CADPS2: variants seen among roughly 807,000 people sequenced by gnomAD.
The protein encoded by CADPS2 is calcium-dependent secretion activator 2.
A neutral mutation model predicts 172.5 loss-of-function variants in CADPS2; 93 were observed. The observed-to-expected ratio is 0.54, with a 90% CI of 0.46 to 0.64. CADPS2 has a LOEUF of 0.64. CADPS2 is among the 30% of genes least tolerant of loss of function. The probability of loss-of-function intolerance (pLI) is 0.00; values close to 1 mark genes in which losing one functional copy is unlikely to be tolerated. For missense variants in CADPS2, 1,420 were observed against 1,565.9 expected, an observed-to-expected ratio of 0.91 and a Z score of 1.57; for synonymous variants, 546 against 555.2, an observed-to-expected ratio of 0.98 and a Z score of 0.23.
At chr7:122,772,643 A>G (rs1175071784) in intron 1 of CADPS2, among the ~76,000 whole-genome samples, 1 of 152,048 alleles carries the variant, frequency 6.6e-6, no homozygotes, top group African/African-American at 2.4e-5. Context: ...CTAAAATACA[A>G]AAAAAAGGGC....
intron 17 of CADPS2, among the ~76,000 whole-genome samples, chr7:122,416,913 C>A (rs1436739392): frequency 2.6e-5 from 4 of 152,158 alleles, no homozygotes; most frequent in Admixed American, 6.5e-5. Flanking sequence ...ATTAAAGAAG[C>A]CCTGTGTAAT....
intron 19 of CADPS2, among the ~76,000 whole-genome samples, chr7:122,412,052 G>A (rs986219872): frequency 6.6e-6 from 1 of 152,144 alleles, no homozygotes; most frequent in East Asian, 1.9e-4. Context: ...TCATGCAATT[G>A]GTTTTGACAG....
chr7:122,501,495 G>A lies in CADPS2; in HGVS notation c.1543-10075C>T, dbSNP rs531079826. 1.3e-3 allele frequency among the ~76,000 whole-genome samples: 200 copies of A among 152,110 alleles called. 1 individual carries two copies. Among genetic ancestry groups the A allele is most frequent in the Non-Finnish European group, 1.9e-3 (132 of 67,980 alleles). On this transcript the variant is annotated intron_variant, in intron 9 of 29. Transcript: ENST00000449022. ...AGACAAGGTCTGGGCCTTTGAGATT[G>A]AGGTCTAAACTCCAGCTTTCATGGA...
At chr7:122,816,225 T>C (rs1801356556) in intron 1 of CADPS2, among the ~76,000 whole-genome samples, 1 of 136,154 alleles carries the variant, frequency 7.3e-6, no homozygotes, top group South Asian at 2.8e-4. Context: ...ATTATTCTAC[T>C]CTCTATCTCC....
chr7:122,417,400 A>T (rs1563285408), intron 17 of CADPS2, among the ~76,000 whole-genome samples: 1 of 152,212 alleles, frequency 6.6e-6, no homozygotes, highest in East Asian at 1.9e-4. Flanking sequence ...AAATTACAGT[A>T]ATTCTTTTGA....
At chr7:122,547,705 T>A (rs553067516) in intron 8 of CADPS2, among the ~76,000 whole-genome samples, 1 of 152,002 alleles carries the variant, frequency 6.6e-6, no homozygotes, top group East Asian at 1.9e-4. Context: ...TAATAAACAA[T>A]AAATATCACA....
At chr7:122,504,329 C>T (rs569173420) in intron 9 of CADPS2, among the ~76,000 whole-genome samples, 1 of 152,294 alleles carries the variant, frequency 6.6e-6, no homozygotes, top group East Asian at 1.9e-4. Flanking sequence ...CACCACCCTC[C>T]TCTCACTTTA....
At chr7:122,478,732 T>G (rs2056977297) in intron 12 of CADPS2, among the ~76,000 whole-genome samples, 1 of 152,074 alleles carries the variant, frequency 6.6e-6, no homozygotes, top group Non-Finnish European at 1.5e-5. Flanking sequence ...GTGAGGGGCT[T>G]TTTGGTAGGC....
chr7:122,474,238 C>T (rs1444500119), intron 13 of CADPS2, 143 bp downstream of exon 13: 2 of 858,332 alleles, frequency 2.3e-6, no homozygotes, highest in South Asian at 1.8e-5. Context: ...CCCTCACTCC[C>T]ACTACCCTTA....
chr7:122,528,873 TGAC>T (rs1215231077), intron 8 of CADPS2, among the ~76,000 whole-genome samples: 1 of 152,160 alleles, frequency 6.6e-6, no homozygotes, highest in African/African-American at 2.4e-5. Context: ...GATACTTTCT[TGAC>T]AAGTTTGATA....
chr7:122,658,343 G>T (rs973325763), intron 3 of CADPS2, among the ~76,000 whole-genome samples: 1 of 143,554 alleles, frequency 7.0e-6, no homozygotes, highest in African/African-American at 2.6e-5. Flanking sequence ...AATTCCTCAA[G>T]GATCTAGAAC....
intron 6 of CADPS2, among the ~76,000 whole-genome samples, chr7:122,590,412 C>T (rs1458028615): frequency 1.3e-5 from 2 of 151,858 alleles, no homozygotes; most frequent in East Asian, 1.9e-4. Context: ...TTATGTAACA[C>T]TATATCTTGA....
At chr7:122,562,772 T>C (rs2065928076) in intron 7 of CADPS2, among the ~76,000 whole-genome samples, 1 of 152,172 alleles carries the variant, frequency 6.6e-6, no homozygotes, top group Non-Finnish European at 1.5e-5. Context: ...TGCTTATATC[T>C]TGCACACACC....
At chr7:122,360,705 G>T (rs922724507) in intron 27 of CADPS2, 83 bp downstream of exon 27, 4 of 1,251,786 alleles carry the variant, frequency 3.2e-6, no homozygotes, top group Admixed American at 2.4e-5. Flanking sequence ...CTGGTTTAAA[G>T]ATTTGAAATA....
chr7:122,822,145 GTAAA>G (rs1803489624), intron 1 of CADPS2, among the ~76,000 whole-genome samples: 1 of 151,136 alleles, frequency 6.6e-6, no homozygotes, highest in African/African-American at 2.4e-5. Context: ...AACTCTTGAA[GTAAA>G]TAAATAATCT....
intron 4 of CADPS2, among the ~76,000 whole-genome samples, chr7:122,623,955 T>G (rs2075839577): frequency 6.6e-6 from 1 of 152,188 alleles, no homozygotes; most frequent in Non-Finnish European, 1.5e-5. Context: ...CTATAAACAC[T>G]TCATGAACTA....
At position 122,318,580 on chromosome 7, in the gene CADPS2, T is replaced by C. The variant is rs1490622648; in HGVS notation, c.*1585A>G. 2 of 152,162 alleles carry C rather than the reference T, an allele frequency of 1.3e-5. No homozygotes were observed. The highest frequency in any genetic ancestry group is 2.9e-5 in the Non-Finnish European group (2 of 68,048). 9.4% of individuals were successfully genotyped at this position (152,162 alleles called of 1,614,324 possible). ...ATTTGAGGGTTTGGAGAAAATAGTA[T>C]TTGGTGTGTGAATAGAGAAGAAAAG... is the stretch of plus-strand genomic sequence containing the variant. On this transcript the variant is annotated 3_prime_UTR_variant, in exon 30 of 30. Coordinates refer to ENST00000449022, the MANE Select transcript of CADPS2 (RefSeq NM_017954.11).
At chr7:122,849,504 T>C (rs933348294) in intron 1 of CADPS2, among the ~76,000 whole-genome samples, 1 of 152,212 alleles carries the variant, frequency 6.6e-6, no homozygotes. Flanking sequence ...ACTATGGAGC[T>C]TCTCAGTCTC....
intron 3 of CADPS2, among the ~76,000 whole-genome samples, chr7:122,655,886 G>A (rs753456971): frequency 1.3e-5 from 2 of 152,052 alleles, no homozygotes; most frequent in Non-Finnish European, 2.9e-5. Flanking sequence ...AGAAACTATA[G>A]TTTTAGTTCA....
Sources: gnomAD v4.1 joint callset for allele counts (sites outside exome capture counted in the v4.1 genomes callset) on GRCh38, gnomAD v4.1.1 for gene constraint, MANE v1.5 for transcripts, NCBI Gene and HGNC (gene_info 2026-07-23, HGNC 2026-07-21) for gene names.